Variants in NFIB observed in about 807,000 individuals in gnomAD.
NFIB encodes the protein nuclear factor 1 B-type.
A neutral mutation model predicts 61.5 loss-of-function variants in NFIB; 11 were observed. The observed-to-expected ratio is 0.18, with a 90% CI of 0.11 to 0.30. NFIB has a LOEUF of 0.30. Among genes scored for constraint, NFIB ranks in the 10% least tolerant of loss-of-function variants. The pLI is 1.00. For synonymous variants in NFIB, 260 were observed against 216.5 expected (o/e 1.20, Z -1.76); for missense variants, 471 against 608.9 (o/e 0.77, Z 2.38).
At position 14,087,768 on chromosome 9, in the gene NFIB, C is replaced by G. The variant is rs2033090205; in HGVS notation, c.*541G>C. 4.5e-6 allele frequency: 1 copy of G among 220,014 alleles called. No homozygotes were observed. The highest frequency in any genetic ancestry group is 5.8e-5 in the Admixed American group (1 of 17,272). The allele number at this position is 220,014 out of a possible 1,614,324, so 13.6% of individuals were successfully genotyped here. ...GCTGGCTCATGGCTCTGTCACCCAGCACCTCTGACGCCGCCTCCTAGCCTT... is the reference window on the plus strand; with the variant it reads ...GCTGGCTCATGGCTCTGTCACCCAGGACCTCTGACGCCGCCTCCTAGCCTT... On this transcript the variant is annotated 3_prime_UTR_variant, in exon 11 of 11. Coordinates refer to ENST00000380953, the MANE Select transcript of NFIB (RefSeq NM_001190737.2).
At chr9:14,448,157 G>C in the NFIB span, among the ~76,000 whole-genome samples, 6 of 152,166 alleles carry the variant, frequency 3.9e-5, no homozygotes, top group African/African-American at 1.2e-4. Context: ...TCACAGAAAA[G>C]TGACTGTCAA....
At chr9:14,425,867 C>T in the NFIB span, among the ~76,000 whole-genome samples, 3 of 152,080 alleles carry the variant, frequency 2.0e-5, no homozygotes, top group African/African-American at 7.2e-5. Context: ...ATGAAATACA[C>T]TTAGGCTCTG....
chr9:14,198,850 C>G (rs570213395), intron 2 of NFIB, among the ~76,000 whole-genome samples: 43 of 152,314 alleles, frequency 2.8e-4, no homozygotes, highest in African/African-American at 1.0e-3. Flanking sequence ...AAAATGCAGT[C>G]CTTAAGCCAA....
the NFIB span, among the ~76,000 whole-genome samples, chr9:14,494,998 C>T: frequency 6.6e-6 from 1 of 152,208 alleles, no homozygotes; most frequent in Non-Finnish European, 1.5e-5. Flanking sequence ...CCATTTACTC[C>T]GCTTATTCCA....
chr9:14,169,950 T>C (rs2045380611), intron 3 of NFIB, among the ~76,000 whole-genome samples: 1 of 152,232 alleles, frequency 6.6e-6, no homozygotes, highest in Admixed American at 6.5e-5. Flanking sequence ...CCAAGATCTT[T>C]AAATCACATC....
intron 2 of NFIB, among the ~76,000 whole-genome samples, chr9:14,189,977 G>C (rs2047770248): frequency 6.6e-6 from 1 of 152,040 alleles, no homozygotes; most frequent in Non-Finnish European, 1.5e-5. Context: ...CAAATGTAGT[G>C]ATTGACTCAA....
At chr9:14,466,955 A>G in the NFIB span, among the ~76,000 whole-genome samples, 1 of 152,132 alleles carries the variant, frequency 6.6e-6, no homozygotes, top group Non-Finnish European at 1.5e-5. Flanking sequence ...TAGAGTCCCA[A>G]AGATTCACCA....
chr9:14,210,847 T>C (rs2050233469), intron 2 of NFIB, among the ~76,000 whole-genome samples: 2 of 152,192 alleles, frequency 1.3e-5, no homozygotes, highest in South Asian at 4.1e-4. Context: ...CATTTCAAAT[T>C]TCATTTGTGT....
chr9:14,400,078 A>G (rs191838654), upstream of NFIB, among the ~76,000 whole-genome samples: 3 of 152,178 alleles, frequency 2.0e-5, no homozygotes, highest in East Asian at 5.8e-4. Flanking sequence ...TAAAACTTCA[A>G]TAGCAATTTT....
chr9:14,097,148 A>C (rs569347648), intron 10 of NFIB, among the ~76,000 whole-genome samples: 16 of 152,316 alleles, frequency 1.1e-4, no homozygotes, highest in African/African-American at 3.8e-4. Flanking sequence ...TTTGATGAGA[A>C]TAGAGTAATT....
intron 3 of NFIB, among the ~76,000 whole-genome samples, chr9:14,171,423 T>C (rs2045553705): frequency 6.6e-6 from 1 of 152,236 alleles, no homozygotes. Flanking sequence ...AATATAAACT[T>C]GTGTGCACAC....
At chr9:14,502,808 T>A in the NFIB span, among the ~76,000 whole-genome samples, 1 of 152,142 alleles carries the variant, frequency 6.6e-6, no homozygotes, top group Non-Finnish European at 1.5e-5. Flanking sequence ...TAGTGGTAAT[T>A]TCTGAGATTT....
At chr9:14,281,361 G>C (rs1456180660) in intron 2 of NFIB, among the ~76,000 whole-genome samples, 1 of 152,120 alleles carries the variant, frequency 6.6e-6, no homozygotes. Context: ...GGAAGGCAAG[G>C]AGTAGAAAAA....
chr9:14,323,375 T>C (rs1398890625), intron 1 of NFIB, among the ~76,000 whole-genome samples: 1 of 152,230 alleles, frequency 6.6e-6, no homozygotes, highest in Non-Finnish European at 1.5e-5. Context: ...AGGGGGATTT[T>C]TTTTTTCTTA....
rs1563765805 is a variant in NFIB at position 14,084,629 on chromosome 9, C to T, written c.*3680G>A. The T allele has an allele frequency of 8.7e-6, 2 of 229,012 alleles. No homozygotes were observed. The highest frequency in any genetic ancestry group is 1.7e-5 in the Non-Finnish European group (2 of 115,300). The allele number at this position is 229,012 out of a possible 1,614,324, so 14.2% of individuals were successfully genotyped here. ...AGCACACAAAGGCTGAACAGTGCCA[C>T]GGAACTGATGGTTGGAGACACCACT... On this transcript the variant is annotated 3_prime_UTR_variant, in exon 11 of 11. Transcript: ENST00000380953.
chr9:14,290,716 C>T (rs890248919), intron 2 of NFIB, among the ~76,000 whole-genome samples: 2 of 152,010 alleles, frequency 1.3e-5, no homozygotes, highest in Admixed American at 1.3e-4. Flanking sequence ...ATCACTAGTG[C>T]ATATACAAAA....
At chr9:14,515,427 T>C in the NFIB span, among the ~76,000 whole-genome samples, 1 of 152,162 alleles carries the variant, frequency 6.6e-6, no homozygotes, top group African/African-American at 2.4e-5. Flanking sequence ...AATTGGGGTT[T>C]AGAGCCATTA....
intron 2 of NFIB, among the ~76,000 whole-genome samples, chr9:14,266,815 G>A (rs550033959): frequency 2.0e-5 from 3 of 151,244 alleles, no homozygotes; most frequent in South Asian, 2.1e-4. Flanking sequence ...TTCTGTTCTC[G>A]GTCAGATCCT....
the NFIB span, among the ~76,000 whole-genome samples, chr9:14,407,059 C>A: frequency 6.6e-6 from 1 of 152,196 alleles, no homozygotes; most frequent in African/African-American, 2.4e-5. Flanking sequence ...CTGTGGCCCT[C>A]TTGGCAACCC....
Sources: gnomAD v4.1 joint callset for allele counts (sites outside exome capture counted in the v4.1 genomes callset) on GRCh38, gnomAD v4.1.1 for gene constraint, MANE v1.5 for transcripts, NCBI Gene and HGNC (gene_info 2026-07-23, HGNC 2026-07-21) for gene names.